DAB1: variants seen among roughly 807,000 people sequenced by gnomAD.
The protein encoded by DAB1 is disabled homolog 1.
In DAB1, 15 loss-of-function variants were observed where a neutral mutation model predicts 64.6. The observed-to-expected ratio is 0.23, with a 90% confidence interval of 0.16 to 0.36. The LOEUF (loss-of-function observed/expected upper bound fraction) is 0.36. Ranked by LOEUF, DAB1 falls within the 10% of genes least tolerant of loss-of-function variation. DAB1 has a pLI of 1.00. For missense variants in DAB1, 596 were observed against 706.7 expected (o/e 0.84, Z 1.78); for synonymous variants, 235 against 251.9 (o/e 0.93, Z 0.64).
intron 1 of DAB1, among the ~76,000 whole-genome samples, chr1:57,317,241 A>G (rs1378866841): frequency 6.6e-6 from 1 of 152,180 alleles, no homozygotes; most frequent in East Asian, 1.9e-4. Flanking sequence ...GAGCCTGGAA[A>G]CAGATCCATC....
chr1:58,513,943 C>T (rs188468101), intron 2 of DAB1, among the ~76,000 whole-genome samples: 2 of 152,086 alleles, frequency 1.3e-5, no homozygotes, highest in Non-Finnish European at 2.9e-5. Flanking sequence ...AGAGTTTTTG[C>T]CCCTGGGTCA....
intron 2 of DAB1, among the ~76,000 whole-genome samples, chr1:58,516,493 A>G (rs1457723734): frequency 6.6e-6 from 1 of 152,194 alleles, no homozygotes; most frequent in Non-Finnish European, 1.5e-5. Context: ...CTTACCAGTG[A>G]TTATTAATTC....
At chr1:57,357,519 C>CTTTTT (rs35457403) in intron 1 of DAB1, among the ~76,000 whole-genome samples, 9 of 122,766 alleles carry the variant, frequency 7.3e-5, no homozygotes, top group African/African-American at 2.8e-4. Context: ...CACCTTCTTC[C>CTTTTT]TTTTTTTTTT....
intron 3 of DAB1, among the ~76,000 whole-genome samples, chr1:58,369,941 T>G (rs1644249506): frequency 6.6e-6 from 1 of 152,236 alleles, no homozygotes; most frequent in African/African-American, 2.4e-5. Flanking sequence ...AAAACAGGTA[T>G]TATCATATAT....
chr1:57,209,257 C>T (rs79979533), intron 2 of DAB1, among the ~76,000 whole-genome samples: 4,024 of 152,320 alleles, frequency 0.026, 95 homozygotes, highest in Non-Finnish European at 0.039. Context: ...TTTATTCATT[C>T]TAACAGCATT....
At chr1:58,312,615 G>A (rs921642330) in intron 4 of DAB1, among the ~76,000 whole-genome samples, 1 of 152,208 alleles carries the variant, frequency 6.6e-6, no homozygotes, top group Non-Finnish European at 1.5e-5. Context: ...ACTTATAAGT[G>A]TGAGAGTCAA....
At chr1:57,706,370 A>C (rs767889288) in intron 6 of DAB1, among the ~76,000 whole-genome samples, 6 of 150,918 alleles carry the variant, frequency 4.0e-5, no homozygotes, top group Non-Finnish European at 8.8e-5. Context: ...CTGTGGTACC[A>C]TCAGGGCTCA....
At chr1:58,499,477 T>TATAGATAGATAG (rs60917151) in intron 3 of DAB1, among the ~76,000 whole-genome samples, 34,420 of 143,540 alleles carry the variant, frequency 0.24, 4,383 homozygotes, top group Admixed American at 0.27. Flanking sequence ...AAAGCCAGAC[T>TATAGATAGATAG]ATAGATAGAT....
At chr1:57,226,661 G>T (rs1447395484) in intron 2 of DAB1, among the ~76,000 whole-genome samples, 5 of 72,630 alleles carry the variant, frequency 6.9e-5, no homozygotes, top group Non-Finnish European at 9.4e-5. Context: ...CTCAAAAGTG[G>T]TTAAAAAAAA....
chr1:58,509,816 C>A (rs1406425154), intron 2 of DAB1, among the ~76,000 whole-genome samples: 1 of 151,706 alleles, frequency 6.6e-6, no homozygotes, highest in Non-Finnish European at 1.5e-5. Context: ...TTACAGCATA[C>A]CATTGTAACT....
chr1:57,279,389 T>C (rs968231776), intron 2 of DAB1, among the ~76,000 whole-genome samples: 1 of 152,216 alleles, frequency 6.6e-6, no homozygotes, highest in South Asian at 2.1e-4. Flanking sequence ...ATTTTTTAAT[T>C]GTTGTATTTT....
At chr1:57,035,136 G>A (rs1444388270) in intron 9 of DAB1, among the ~76,000 whole-genome samples, 2 of 152,154 alleles carry the variant, frequency 1.3e-5, no homozygotes, top group Non-Finnish European at 1.5e-5. Context: ...ATTAGTCTAA[G>A]TGATCCTATC....
chr1:58,034,318 C>T (rs1297400577), intron 5 of DAB1, among the ~76,000 whole-genome samples: 1 of 152,216 alleles, frequency 6.6e-6, no homozygotes, highest in Non-Finnish European at 1.5e-5. Context: ...AGGAGTGGAA[C>T]TCTCCCAATA....
At chr1:57,933,442 G>C (rs1644981486) in intron 5 of DAB1, among the ~76,000 whole-genome samples, 1 of 151,946 alleles carries the variant, frequency 6.6e-6, no homozygotes, top group Non-Finnish European at 1.5e-5. Flanking sequence ...TTTACAATAG[G>C]TTTTACCTTT....
At position 58,147,612 on chromosome 1, in the gene DAB1, C is replaced by CAA. The variant is rs71051268; in HGVS notation, n.387+2897_387+2898dup. ...TGGGCAACAGAGCAAGACTCCATCTCAAAAAAAAAAAATAGTATAGCCATT... is the reference window on the plus strand; with the variant it reads ...TGGGCAACAGAGCAAGACTCCATCTCAAAAAAAAAAAAAATAGTATAGCCATT... On this transcript the variant is annotated intron_variant and non_coding_transcript_variant, in intron 5 of 20. Transcript: ENST00000485760. 2.1e-4 allele frequency among the ~76,000 whole-genome samples: 28 copies of CAA among 136,232 alleles called. No homozygotes were observed. In the South Asian group the frequency reaches 2.8e-3, roughly 13 times the overall value. 89.4% of individuals were successfully genotyped at this position (136,232 alleles called of 152,430 possible).
intron 5 of DAB1, among the ~76,000 whole-genome samples, chr1:58,009,227 A>G (rs1289396753): frequency 2.0e-5 from 3 of 152,182 alleles, no homozygotes; most frequent in Non-Finnish European, 4.4e-5. Context: ...ATATTCCTAG[A>G]AAGTGGAAGA....
In DAB1 at chr1:58,344,334, T is replaced by C. The variant is rs889206992; in HGVS notation, n.258-931A>G. Among the ~76,000 whole-genome samples, 5 of 152,078 alleles carry C rather than the reference T, an allele frequency of 3.3e-5. No individual in the cohort carries two copies. In the East Asian group the frequency reaches 7.7e-4, roughly 24 times the overall value. ...GTGATTAAAGGGGTAAGAGAGGAAATTAGTGGTCCAGTGAAGAAAATTGTG... is the reference window on the plus strand; with the variant it reads ...GTGATTAAAGGGGTAAGAGAGGAAACTAGTGGTCCAGTGAAGAAAATTGTG... On this transcript the variant is annotated intron_variant and non_coding_transcript_variant, in intron 3 of 20. Coordinates refer to the DAB1 transcript ENST00000485760.
Position 57,612,912 on chromosome 1 carries a change from C to T in DAB1, n.625+36680G>A, listed in dbSNP as rs1013053041. Among the ~76,000 whole-genome samples the T allele has an allele frequency of 1.1e-4, 16 of 152,164 alleles. No individual in the cohort carries two copies. The East Asian group carries it at 1.2e-3, about 11-fold the overall frequency. Reference sequence around the variant, plus strand: ...TTGCATCAGTGAATGAAACCATGAACGGTATGTGTACATGGGTGTCTTCTA... The same window carrying T: ...TTGCATCAGTGAATGAAACCATGAATGGTATGTGTACATGGGTGTCTTCTA... On this transcript the variant is annotated intron_variant and non_coding_transcript_variant, in intron 7 of 20. Transcript: ENST00000485760.
intron 6 of DAB1, among the ~76,000 whole-genome samples, chr1:57,676,579 A>C (rs1420940662): frequency 6.6e-6 from 1 of 152,220 alleles, no homozygotes; most frequent in East Asian, 1.9e-4. Flanking sequence ...CTGGGAAAAG[A>C]AGAGGGCAGC....
Sources: gnomAD v4.1 joint callset for allele counts (sites outside exome capture counted in the v4.1 genomes callset) on GRCh38, gnomAD v4.1.1 for gene constraint, MANE v1.5 for transcripts, NCBI Gene and HGNC (gene_info 2026-07-23, HGNC 2026-07-21) for gene names.